The following ARHGEF7 variants were observed in gnomAD, a reference collection of about 807,000 sequenced individuals.
ARHGEF7 encodes the protein PAK-interacting exchange factor beta.
A neutral mutation model predicts 109.8 loss-of-function variants in ARHGEF7; 33 were observed. The observed-to-expected ratio is 0.30, with a 90% CI of 0.23 to 0.40. ARHGEF7 has a LOEUF of 0.40. ARHGEF7 is among the 10% of genes least tolerant of loss of function. The pLI, the probability that ARHGEF7 is intolerant of heterozygous loss-of-function variation, is 1.00. For missense variants in ARHGEF7, 938 were observed against 1,098.5 expected (o/e 0.85, Z 2.07); for synonymous variants, 458 against 424.6 (o/e 1.08, Z -0.97).
rs2066697435 is a variant in ARHGEF7, at chr13:111,115,790, C to T, written c.165+99C>T. ...CTGAGGCCGGCCGCGCTCGGGAAACCCGTGCGCCCTCCTTTGTGCGCGGAG... is the reference window on the plus strand; with the variant it reads ...CTGAGGCCGGCCGCGCTCGGGAAACTCGTGCGCCCTCCTTTGTGCGCGGAG... On this transcript the variant is annotated intron_variant, in intron 1 of 21. Coordinates refer to ENST00000646102, the MANE Select transcript of ARHGEF7 (RefSeq NM_001354046.2). 4 of 656,532 alleles carry T rather than the reference C, an allele frequency of 6.1e-6. No individual in the cohort carries two copies. The South Asian group carries it at 2.1e-4, about 34-fold the overall frequency. 40.7% of individuals were successfully genotyped at this position (656,532 alleles called of 1,614,324 possible).
At chr13:111,160,744 A>G (rs1026082715) in intron 2 of ARHGEF7, among the ~76,000 whole-genome samples, 1 of 152,174 alleles carries the variant, frequency 6.6e-6, no homozygotes, top group Non-Finnish European at 1.5e-5. Flanking sequence ...TTCTTGTGAT[A>G]ACGAGGGAGT....
chr13:111,130,600 G>T (rs982489617), intron 1 of ARHGEF7, among the ~76,000 whole-genome samples: 1 of 152,162 alleles, frequency 6.6e-6, no homozygotes, highest in Non-Finnish European at 1.5e-5. Flanking sequence ...TATGTTCCAA[G>T]GATAGTGCTA....
At chr13:111,280,701 C>A in intron 15 of ARHGEF7, 24 bp downstream of exon 15, 1 of 1,497,146 alleles carries the variant, frequency 6.7e-7, no homozygotes, top group Admixed American at 2.3e-5. Context: ...GCTTCTCCTC[C>A]TTCCAGACTC....
intron 1 of ARHGEF7, among the ~76,000 whole-genome samples, chr13:111,123,500 T>C (rs1050896373): frequency 3.4e-5 from 5 of 148,508 alleles, no homozygotes; most frequent in Middle Eastern, 3.5e-3. Context: ...CACACATACA[T>C]GCCCGTGCCA....
rs533361685 is a variant in ARHGEF7, at chr13:111,175,548, T to C, written c.252+21557T>C. On this transcript the variant is annotated intron_variant, in intron 2 of 21. Transcript: ENST00000646102. Reference sequence around the variant, plus strand: ...GCCTGCTGCAGGCTGGAGCCTGCAGTGGGGTGAGTGAGCTTTTGGGGGAAG... The same window carrying C: ...GCCTGCTGCAGGCTGGAGCCTGCAGCGGGGTGAGTGAGCTTTTGGGGGAAG... Among the ~76,000 whole-genome samples, 8 of 152,150 alleles carry C rather than the reference T, an allele frequency of 5.3e-5. No individual in the cohort carries two copies. In the South Asian group the frequency reaches 1.7e-3, roughly 32 times the overall value.
At chr13:111,269,263 A>G (rs1483429859) in intron 9 of ARHGEF7, among the ~76,000 whole-genome samples, 2 of 152,226 alleles carry the variant, frequency 1.3e-5, no homozygotes, top group Non-Finnish European at 2.9e-5. Context: ...CAGAAAGCGC[A>G]ATGCAAGTGT....
At chr13:111,153,414 C>T (rs1036820440) in intron 1 of ARHGEF7, among the ~76,000 whole-genome samples, 3 of 151,908 alleles carry the variant, frequency 2.0e-5, no homozygotes, top group Non-Finnish European at 4.4e-5. Flanking sequence ...CGGGCCTTGT[C>T]GGCTGCGTCC....
At chr13:111,243,256 TA>T (rs1300512517) in intron 6 of ARHGEF7, among the ~76,000 whole-genome samples, 25 of 152,200 alleles carry the variant, frequency 1.6e-4, no homozygotes, top group Non-Finnish European at 3.7e-4. Flanking sequence ...TAATATTACA[TA>T]TGTTAAAATA....
chr13:111,183,932 TG>T (rs1338380104), intron 2 of ARHGEF7, among the ~76,000 whole-genome samples: 1 of 152,168 alleles, frequency 6.6e-6, no homozygotes, highest in African/African-American at 2.4e-5. Flanking sequence ...CACTTGCTTA[TG>T]GCCGGGTGCG....
At chr13:111,265,779 G>A (rs2091575207) in intron 8 of ARHGEF7, 1 of 453,602 alleles carries the variant, frequency 2.2e-6, no homozygotes, top group African/African-American at 2.0e-5. Flanking sequence ...CCTTGTAACA[G>A]CTGTGAGGGA....
chr13:111,298,559 C>T (rs2093477943), intron 19 of ARHGEF7, among the ~76,000 whole-genome samples: 1 of 152,258 alleles, frequency 6.6e-6, no homozygotes, highest in Non-Finnish European at 1.5e-5. Flanking sequence ...CTGTCTCCGT[C>T]CTTGTCTCCT....
At chr13:111,260,724 T>A (rs1300703095) in intron 8 of ARHGEF7, among the ~76,000 whole-genome samples, 1 of 152,184 alleles carries the variant, frequency 6.6e-6, no homozygotes, top group Non-Finnish European at 1.5e-5. Context: ...TATAACACTA[T>A]GTGTAAACTA....
intron 5 of ARHGEF7, among the ~76,000 whole-genome samples, chr13:111,225,335 G>C (rs1444393672): frequency 6.6e-6 from 1 of 152,084 alleles, no homozygotes; most frequent in East Asian, 1.9e-4. Flanking sequence ...AGACGGAAGA[G>C]CTCATGTGGG....
At position 111,292,980 on chromosome 13, in the gene ARHGEF7, G is replaced by A. The variant is rs762438815; in HGVS notation, c.2311+686G>A. 6.1e-6 allele frequency: 6 copies of A among 985,354 alleles called. No individual in the cohort carries two copies. The African/African-American group carries it at 7.0e-5, about 11-fold the overall frequency. The allele number at this position is 985,354 out of a possible 1,614,324, so 61.0% of individuals were successfully genotyped here. On this transcript the variant is annotated intron_variant, in intron 19 of 21. Transcript: ENST00000646102. ...CTCTTCTGTGTGCTGCGTTGTGGCC[G>A]TGAAGTGGGAGCTCTCCTTTCCAAA...
chr13:111,135,840 G>A (rs2075057713), intron 1 of ARHGEF7, among the ~76,000 whole-genome samples: 1 of 152,182 alleles, frequency 6.6e-6, no homozygotes, highest in Non-Finnish European at 1.5e-5. Context: ...GTGTTGAATA[G>A]GAGTGGTGAG....
intron 5 of ARHGEF7, among the ~76,000 whole-genome samples, chr13:111,218,919 C>T (rs1056275185): frequency 1.2e-4 from 18 of 152,144 alleles, no homozygotes; most frequent in African/African-American, 4.3e-4. Flanking sequence ...CCTCAGAAAA[C>T]AAGTATTTTA....
At chr13:111,174,973 C>T (rs2077992458) in intron 2 of ARHGEF7, among the ~76,000 whole-genome samples, 1 of 152,302 alleles carries the variant, frequency 6.6e-6, no homozygotes, top group South Asian at 2.1e-4. Flanking sequence ...CTTGCTGTCT[C>T]CTCCTCAACC....
intron 16 of ARHGEF7, among the ~76,000 whole-genome samples, chr13:111,283,704 C>T (rs902838187): frequency 6.6e-6 from 1 of 152,228 alleles, no homozygotes; most frequent in Non-Finnish European, 1.5e-5. Flanking sequence ...CATCGCTCAG[C>T]ATCTGCACGC....
intron 8 of ARHGEF7, among the ~76,000 whole-genome samples, chr13:111,250,313 C>G (rs142817330): frequency 6.6e-6 from 1 of 152,182 alleles, no homozygotes. Context: ...CTCAGGTATG[C>G]GTGCATTCGG....
Sources: gnomAD v4.1 joint callset for allele counts (sites outside exome capture counted in the v4.1 genomes callset) on GRCh38, gnomAD v4.1.1 for gene constraint, MANE v1.5 for transcripts, NCBI Gene and HGNC (gene_info 2026-07-23, HGNC 2026-07-21) for gene names.